Variants in SGCD observed in about 807,000 individuals in gnomAD.
SGCD encodes sarcoglycan delta, also known as delta-sarcoglycan.
SGCD carries 18 observed loss-of-function variants against 36.6 expected under a neutral mutation model. That is an observed-to-expected ratio of 0.49 (90% confidence interval 0.34 to 0.73). SGCD has a LOEUF of 0.73. Ranked by LOEUF, SGCD falls within the 30% of genes least tolerant of loss-of-function variation. The pLI is 0.01. For synonymous variants in SGCD, 133 were observed against 130.6 expected (o/e 1.02, Z -0.12); for missense variants, 387 against 346.7 (o/e 1.12, Z -0.92).
intron 3 of SGCD, among the ~76,000 whole-genome samples, chr5:156,373,058 G>C (rs1770474347): frequency 3.9e-5 from 6 of 152,092 alleles, no homozygotes; most frequent in Admixed American, 3.9e-4. Context: ...GGCCATTCTT[G>C]ATCATCAGAG....
At chr5:156,067,886 GA>G (rs1315562887) in intron 1 of SGCD, among the ~76,000 whole-genome samples, 2 of 129,766 alleles carry the variant, frequency 1.5e-5, no homozygotes, top group African/African-American at 8.9e-5. Flanking sequence ...TGGAAATGCA[GA>G]AATCACCGTC....
chr5:156,458,435 G>A (rs1754347405), intron 3 of SGCD: 2 of 1,609,546 alleles, frequency 1.2e-6, no homozygotes, highest in Non-Finnish European at 1.7e-6. Context: ...CAATCTGAGG[G>A]TCAAACCCTG....
At chr5:155,815,880 G>GA in the SGCD span, among the ~76,000 whole-genome samples, 10 of 150,840 alleles carry the variant, frequency 6.6e-5, no homozygotes, top group African/African-American at 9.7e-5. Flanking sequence ...AGGCTGGAAA[G>GA]AAAAAAAAAG....
chr5:156,380,604 G>A (rs1007643147), intron 3 of SGCD, among the ~76,000 whole-genome samples: 3 of 152,212 alleles, frequency 2.0e-5, no homozygotes, highest in Admixed American at 6.5e-5. Flanking sequence ...TATTTAGAAC[G>A]TGGCTTGGAG....
chr5:156,343,398 C>A (rs1463477479), intron 2 of SGCD, among the ~76,000 whole-genome samples: 1 of 152,316 alleles, frequency 6.6e-6, no homozygotes, highest in South Asian at 2.1e-4. Context: ...AGTAGAGATG[C>A]TGTGCTCAGG....
intron 1 of SGCD, among the ~76,000 whole-genome samples, chr5:156,009,240 G>A (rs1423703387): frequency 1.3e-5 from 2 of 152,150 alleles, no homozygotes; most frequent in Non-Finnish European, 2.9e-5. Flanking sequence ...TATGTTTATG[G>A]ATTTTTTCTC....
chr5:156,097,168 A>G (rs1430702696), intron 1 of SGCD, among the ~76,000 whole-genome samples: 1 of 150,642 alleles, frequency 6.6e-6, no homozygotes, highest in Non-Finnish European at 1.5e-5. Flanking sequence ...TAATTATTAT[A>G]TGTTTTGTTC....
intron 7 of SGCD, among the ~76,000 whole-genome samples, chr5:156,656,674 A>G (rs1763695041): frequency 6.6e-6 from 1 of 152,186 alleles, no homozygotes; most frequent in Admixed American, 6.5e-5. Context: ...AACTTTAAAG[A>G]TTGTTACAAA....
At chr5:156,682,248 T>G (rs935001592) in intron 7 of SGCD, among the ~76,000 whole-genome samples, 1 of 152,230 alleles carries the variant, frequency 6.6e-6, no homozygotes, top group Non-Finnish European at 1.5e-5. Flanking sequence ...TTTCCACAAC[T>G]ATAATAGCAT....
At chr5:156,477,659 G>C (rs1182663118) in intron 3 of SGCD, among the ~76,000 whole-genome samples, 1 of 106,252 alleles carries the variant, frequency 9.4e-6, no homozygotes, top group African/African-American at 3.9e-5. Flanking sequence ...GTTTTTTATA[G>C]ACAACACAGC....
intron 4 of SGCD, among the ~76,000 whole-genome samples, chr5:156,521,077 C>T (rs1041101824): frequency 5.5e-5 from 8 of 146,462 alleles, no homozygotes; most frequent in Admixed American, 5.5e-4. Flanking sequence ...CTTCAACAAA[C>T]CTGACAAAAA....
chr5:155,918,828 T>G (rs781005225), intron 1 of SGCD, among the ~76,000 whole-genome samples: 9 of 152,218 alleles, frequency 5.9e-5, no homozygotes, highest in Non-Finnish European at 1.3e-4. Context: ...TGCCTAAATT[T>G]TCATGTTTTA....
At chr5:156,073,029 C>T (rs1015537513) in intron 1 of SGCD, among the ~76,000 whole-genome samples, 5 of 152,150 alleles carry the variant, frequency 3.3e-5, no homozygotes, top group Non-Finnish European at 7.3e-5. Context: ...GTTATACATT[C>T]ATCTAAATTT....
intron 7 of SGCD, among the ~76,000 whole-genome samples, chr5:156,651,319 T>C (rs1194285041): frequency 6.6e-6 from 1 of 152,138 alleles, no homozygotes; most frequent in Non-Finnish European, 1.5e-5. Flanking sequence ...GTCCCTCTTG[T>C]CAATTTTGGT....
chr5:155,858,519 C>T, the SGCD span, among the ~76,000 whole-genome samples: 1 of 152,166 alleles, frequency 6.6e-6, no homozygotes, highest in East Asian at 1.9e-4. Flanking sequence ...AGGATATTGG[C>T]TTTATAAACT....
chr5:156,296,325 G>C (rs1258538549), intron 3 of SGCD, among the ~76,000 whole-genome samples: 1 of 152,138 alleles, frequency 6.6e-6, no homozygotes, highest in Non-Finnish European at 1.5e-5. Context: ...TGTCAAAGGT[G>C]ACCAATTCTT....
chr5:156,487,813 A>AAAAAAAAAAAAAG (rs1554107842), intron 3 of SGCD, among the ~76,000 whole-genome samples: 40 of 77,806 alleles, frequency 5.1e-4, no homozygotes, highest in African/African-American at 1.2e-3. Flanking sequence ...AAAAAAAAAA[A>AAAAAAAAAAAAAG]AAAGAAAGAA....
chr5:155,818,097 T>A, the SGCD span, among the ~76,000 whole-genome samples: 2 of 152,180 alleles, frequency 1.3e-5, no homozygotes, highest in African/African-American at 4.8e-5. Context: ...AGCCAGGTTA[T>A]GATTTAGAAA....
chr5:156,754,152 C>T (rs577888739), intron 7 of SGCD, among the ~76,000 whole-genome samples: 1 of 152,298 alleles, frequency 6.6e-6, no homozygotes. Context: ...GAGTCTACCT[C>T]TCCGGCCTGG....
Sources: gnomAD v4.1 joint callset for allele counts (sites outside exome capture counted in the v4.1 genomes callset) on GRCh38, gnomAD v4.1.1 for gene constraint, MANE v1.5 for transcripts, NCBI Gene and HGNC (gene_info 2026-07-23, HGNC 2026-07-21) for gene names.